The following WDPCP variants were observed in gnomAD, a reference collection of about 807,000 sequenced individuals.
WDPCP encodes the protein WD repeat-containing and planar cell polarity effector protein fritz homolog.
In WDPCP, 71 loss-of-function variants were observed where a neutral mutation model predicts 93.1. The observed-to-expected ratio is 0.76, with a 90% confidence interval of 0.63 to 0.93. The LOEUF (loss-of-function observed/expected upper bound fraction) is 0.93, where lower values mean the gene tolerates loss of function less well. Ranked by LOEUF, WDPCP falls within the 40% of genes least tolerant of loss-of-function variation. The probability of loss-of-function intolerance (pLI) is 0.00; values close to 1 mark genes in which losing one functional copy is unlikely to be tolerated. For missense variants in WDPCP, 844 were observed against 887.4 expected (o/e 0.95, Z 0.62); for synonymous variants, 315 against 315.0 (o/e 1.00, Z 0.00).
At chr2:63,620,852 C>A (rs1371295362) in intron 3 of WDPCP, among the ~76,000 whole-genome samples, 1 of 152,190 alleles carries the variant, frequency 6.6e-6, no homozygotes, top group Non-Finnish European at 1.5e-5. Context: ...GTTCTGCAGC[C>A]ACTGATGGTG....
intron 12 of WDPCP, among the ~76,000 whole-genome samples, chr2:63,354,184 C>G (rs1428632143): frequency 6.6e-6 from 1 of 152,172 alleles, no homozygotes; most frequent in Non-Finnish European, 1.5e-5. Flanking sequence ...CCCACACATC[C>G]CCAAGTGCTT....
At chr2:63,453,335 A>G (rs562105734) in intron 6 of WDPCP, among the ~76,000 whole-genome samples, 21 of 152,368 alleles carry the variant, frequency 1.4e-4, no homozygotes, top group Middle Eastern at 6.8e-3. Flanking sequence ...CAACAGACAC[A>G]TGAAAAAATG....
At chr2:63,641,496 A>C (rs1426633011) in intron 3 of WDPCP, among the ~76,000 whole-genome samples, 3 of 152,166 alleles carry the variant, frequency 2.0e-5, no homozygotes, top group Non-Finnish European at 4.4e-5. Flanking sequence ...AACTGGGGTG[A>C]GATGATATCT....
At chr2:63,811,620 A>AC (rs1670863813) in intron 2 of WDPCP, among the ~76,000 whole-genome samples, 1 of 131,840 alleles carries the variant, frequency 7.6e-6, no homozygotes, top group Non-Finnish European at 1.6e-5. Flanking sequence ...TTCAAATTTT[A>AC]TTTTAGAGTC....
intron 1 of WDPCP, among the ~76,000 whole-genome samples, chr2:63,503,170 C>T (rs993354919): frequency 1.3e-4 from 20 of 152,048 alleles, no homozygotes; most frequent in Non-Finnish European, 2.8e-4. Context: ...TAACATTTTC[C>T]GTATTATAAG....
chr2:63,622,248 G>C, intron 3 of WDPCP: 1 of 1,611,132 alleles, frequency 6.2e-7, no homozygotes, highest in Non-Finnish European at 8.5e-7. Flanking sequence ...CTTCTCTGTA[G>C]CTGCCAGTGC....
chr2:63,139,488 G>C (rs898573420), intron 17 of WDPCP, among the ~76,000 whole-genome samples: 7 of 152,038 alleles, frequency 4.6e-5, no homozygotes, highest in Non-Finnish European at 1.0e-4. Context: ...CACATCTACT[G>C]TTTGATTTTT....
intron 2 of WDPCP, among the ~76,000 whole-genome samples, chr2:63,736,844 A>G (rs1404648263): frequency 2.0e-5 from 3 of 152,214 alleles, no homozygotes; most frequent in Non-Finnish European, 4.4e-5. Flanking sequence ...TTAAAAAACA[A>G]AACCAAATGT....
chr2:63,622,859 C>T (rs1222231063), intron 3 of WDPCP: 10 of 1,577,284 alleles, frequency 6.3e-6, no homozygotes, highest in African/African-American at 1.3e-5. Flanking sequence ...GCTCAGCACC[C>T]GCGCAGCATC....
intron 6 of WDPCP, chr2:63,442,166 G>C (rs1357468076): frequency 2.6e-5 from 4 of 152,092 alleles, no homozygotes; most frequent in Admixed American, 6.6e-5. Context: ...GTGGTTAAGA[G>C]CACAGACTCT....
intron 13 of WDPCP, among the ~76,000 whole-genome samples, chr2:63,308,284 C>T (rs574776379): frequency 3.3e-5 from 5 of 152,258 alleles, no homozygotes; most frequent in East Asian, 1.9e-4. Flanking sequence ...AACGTTTTAA[C>T]GCTGTTGGTG....
At position 63,557,029 on chromosome 2, in the gene WDPCP, G is replaced by A. The variant is rs188377180; in HGVS notation, c.75+31168C>T. ...AGCTCCTAAAGGAAGCACTAAATAT[G>A]GAAAGGAAAGAACGTTATCAACCAC... On this transcript the variant is annotated intron_variant, in intron 1 of 17. Transcript: ENST00000272321. 5.7e-4 allele frequency among the ~76,000 whole-genome samples: 87 copies of A among 152,202 alleles called. 1 individual carries two copies. Among genetic ancestry groups the A allele is most frequent in the Non-Finnish European group, 2.8e-4 (19 of 68,012 alleles).
chr2:63,432,041 A>T (rs1349789074), intron 9 of WDPCP, among the ~76,000 whole-genome samples: 2 of 152,166 alleles, frequency 1.3e-5, no homozygotes, highest in African/African-American at 4.8e-5. Flanking sequence ...TAATGAAAAA[A>T]ATCTACCCTC....
In WDPCP at chr2:63,551,463, C is replaced by T. The variant is rs567100697; in HGVS notation, c.75+36734G>A. ...ATTTAAGAGTCTGGAACCTCCCCCT[C>T]TTGCCATGTGATACAATGACAATGA... On this transcript the variant is annotated intron_variant, in intron 1 of 17. Transcript: ENST00000272321. Among the ~76,000 whole-genome samples the T allele has an allele frequency of 2.6e-5, 4 of 152,270 alleles. No homozygotes were observed. In the East Asian group the frequency reaches 7.7e-4, roughly 29 times the overall value.
chr2:63,612,120 C>T (rs79227944), intron 3 of WDPCP, among the ~76,000 whole-genome samples: 1,553 of 152,256 alleles, frequency 0.01, 15 homozygotes, highest in African/African-American at 0.032. Flanking sequence ...TGATTAACAA[C>T]GACATTTTAC....
intron 14 of WDPCP, among the ~76,000 whole-genome samples, chr2:63,186,368 G>T (rs1334327212): frequency 1.3e-5 from 2 of 152,022 alleles, no homozygotes; most frequent in Non-Finnish European, 2.9e-5. Flanking sequence ...CCCACCTCCA[G>T]TCCCAGCACT....
chr2:63,500,452 G>GTGTGTGTGTGTGT (rs1553412910), intron 1 of WDPCP, among the ~76,000 whole-genome samples: 26 of 22,312 alleles, frequency 1.2e-3, no homozygotes, highest in African/African-American at 4.3e-3. Flanking sequence ...AAATGGTGTG[G>GTGTGTGTGTGTGT]GGGTGTGTGT....
the WDPCP span, among the ~76,000 whole-genome samples, chr2:63,835,464 C>G: frequency 6.6e-6 from 1 of 151,132 alleles, no homozygotes; most frequent in Non-Finnish European, 1.5e-5. Flanking sequence ...TTACTTGTCC[C>G]GGATAAAGGC....
chr2:63,355,439 A>T (rs1311187367), intron 12 of WDPCP, among the ~76,000 whole-genome samples: 3 of 152,188 alleles, frequency 2.0e-5, no homozygotes, highest in African/African-American at 7.2e-5. Context: ...CTTACAAGAG[A>T]TCTTGAAAGG....
Sources: gnomAD v4.1 joint callset for allele counts (sites outside exome capture counted in the v4.1 genomes callset) on GRCh38, gnomAD v4.1.1 for gene constraint, MANE v1.5 for transcripts, NCBI Gene and HGNC (gene_info 2026-07-23, HGNC 2026-07-21) for gene names.